EDA: variants seen among roughly 807,000 people sequenced by gnomAD.
The protein encoded by EDA is ectodysplasin-A.
Under a neutral mutation model 23.6 loss-of-function variants are expected in EDA, and 2 were observed. The observed-to-expected ratio is 0.08, with a 90% CI of 0.03 to 0.27. The LOEUF (loss-of-function observed/expected upper bound fraction) is 0.27, where lower values mean the gene tolerates loss of function less well. Among genes scored for constraint, EDA ranks in the 10% least tolerant of loss-of-function variants. EDA has a pLI of 1.00. For missense variants in EDA, 229 were observed against 324.2 expected, an observed-to-expected ratio of 0.71 and a Z score of 2.26; for synonymous variants, 131 against 132.0, an observed-to-expected ratio of 0.99 and a Z score of 0.05.
chrX:69,817,392 A>T (rs778698831), intron 1 of EDA, among the ~76,000 whole-genome samples: 7 of 111,708 alleles, frequency 6.3e-5, no homozygotes, highest in Non-Finnish European at 1.3e-4. Context: ...ATGTAAATGG[A>T]CTGAATTCCC....
At chrX:69,637,389 G>A (rs1030866350) in intron 1 of EDA, among the ~76,000 whole-genome samples, 1 of 111,452 alleles carries the variant, frequency 9.0e-6, no homozygotes, top group African/African-American at 3.3e-5. Context: ...CTGGAATCTG[G>A]GCTAATGGAA....
At chrX:69,622,993 C>G (rs956663338) in intron 1 of EDA, among the ~76,000 whole-genome samples, 5 of 111,926 alleles carry the variant, frequency 4.5e-5, no homozygotes, top group Admixed American at 9.5e-5. Context: ...TGTCATAAAT[C>G]AGGTGCCTGT....
intron 3 of EDA, among the ~76,000 whole-genome samples, chrX:70,023,623 G>C (rs2020070931): frequency 9.6e-6 from 1 of 103,670 alleles, no homozygotes; most frequent in Non-Finnish European, 2.0e-5. Flanking sequence ...CTGAGTAGCT[G>C]GGATTACAGG....
At chrX:69,880,886 A>G (rs955411800) in intron 1 of EDA, among the ~76,000 whole-genome samples, 6 of 112,049 alleles carry the variant, frequency 5.4e-5, no homozygotes, top group Non-Finnish European at 7.5e-5. Context: ...CTTCTCCACA[A>G]GGACTTTGGA....
At chrX:70,020,802 TAAAA>T (rs2020023220) in intron 2 of EDA, among the ~76,000 whole-genome samples, 1 of 111,794 alleles carries the variant, frequency 8.9e-6, no homozygotes, top group African/African-American at 3.2e-5. Flanking sequence ...GTTATTGACA[TAAAA>T]AAGGTTATCA....
At chrX:69,764,540 G>GC (rs1420479760) in intron 1 of EDA, among the ~76,000 whole-genome samples, 1 of 110,206 alleles carries the variant, frequency 9.1e-6, no homozygotes, top group African/African-American at 3.3e-5. Context: ...ACCGCACCCT[G>GC]CCCGTTTCTT....
chrX:69,655,853 C>G (rs763814928), intron 1 of EDA, among the ~76,000 whole-genome samples: 33 of 96,851 alleles, frequency 3.4e-4, no homozygotes, highest in Non-Finnish European at 4.4e-4. Context: ...AACCTCACAA[C>G]AAAATACCTG....
Position 69,822,701 on chromosome X carries a change from TTTA to T in EDA, c.397-134315_397-134313del, listed in dbSNP as rs950686006. ...TATGTTATTCTATTTTTTTAATTTA[TTTA>T]TTATTATTATACTTTAAGTTTTAGG... is the stretch of plus-strand genomic sequence containing the variant. On this transcript the variant is annotated intron_variant, in intron 1 of 7. Coordinates refer to ENST00000374552, the MANE Select transcript of EDA (RefSeq NM_001399.5). Among the ~76,000 whole-genome samples, 34 of 111,401 alleles carry T rather than the reference TTTA, an allele frequency of 3.1e-4. 1 individual carries two copies. The highest frequency in any genetic ancestry group is 1.8e-3 in the Admixed American group (19 of 10,469).
intron 2 of EDA, among the ~76,000 whole-genome samples, chrX:69,983,797 G>C (rs371062622): frequency 9.9e-6 from 1 of 100,907 alleles, no homozygotes; most frequent in Non-Finnish European, 2.0e-5. Flanking sequence ...GAATCTGAAC[G>C]TTGGCCTGCC....
At chrX:69,643,645 C>A (rs1932868044) in intron 1 of EDA, among the ~76,000 whole-genome samples, 1 of 111,793 alleles carries the variant, frequency 8.9e-6, no homozygotes, top group Non-Finnish European at 1.9e-5. Flanking sequence ...GCTTTTGTTG[C>A]AATTGCTTTT....
At chrX:69,651,636 A>G (rs189049812) in intron 1 of EDA, among the ~76,000 whole-genome samples, 28 of 111,605 alleles carry the variant, frequency 2.5e-4, no homozygotes, top group Middle Eastern at 4.7e-3. Flanking sequence ...GAATGCATTG[A>G]TCTTTTATAA....
chrX:69,868,785 G>A (rs934693486), intron 1 of EDA, among the ~76,000 whole-genome samples: 2 of 112,459 alleles, frequency 1.8e-5, no homozygotes, highest in Non-Finnish European at 3.8e-5. Context: ...TGGAAAAAAG[G>A]GCATTTGCCA....
intron 1 of EDA, among the ~76,000 whole-genome samples, chrX:69,679,563 A>G (rs939031171): frequency 5.4e-5 from 6 of 111,577 alleles, no homozygotes; most frequent in African/African-American, 2.0e-4. Context: ...GTGTATGTGT[A>G]GAGGAATTTA....
chrX:69,629,485 T>C (rs1417051432), intron 1 of EDA, among the ~76,000 whole-genome samples: 1 of 112,202 alleles, frequency 8.9e-6, no homozygotes, highest in Admixed American at 9.4e-5. Context: ...CAACGCTAAC[T>C]GTACTCTTTT....
chrX:69,703,313 G>A (rs774630543), intron 1 of EDA, among the ~76,000 whole-genome samples: 1 of 111,887 alleles, frequency 8.9e-6, no homozygotes, highest in African/African-American at 3.2e-5. Context: ...AGTGACTGAT[G>A]TGCATGCACA....
At chrX:69,628,011 T>C (rs1010664777) in intron 1 of EDA, among the ~76,000 whole-genome samples, 7 of 111,915 alleles carry the variant, frequency 6.3e-5, no homozygotes, top group African/African-American at 2.3e-4. Flanking sequence ...TATCCACCTG[T>C]CAGTGGGCCT....
At chrX:69,729,911 G>A (rs2012955657) in intron 1 of EDA, among the ~76,000 whole-genome samples, 1 of 111,559 alleles carries the variant, frequency 9.0e-6, no homozygotes, top group Non-Finnish European at 1.9e-5. Flanking sequence ...GCCCTTTATA[G>A]CAAGCAAAAC....
intron 1 of EDA, among the ~76,000 whole-genome samples, chrX:69,925,162 C>T (rs938860462): frequency 9.0e-6 from 1 of 111,442 alleles, no homozygotes; most frequent in Admixed American, 9.6e-5. Context: ...TGCCTGATTG[C>T]CCTGGCCACA....
chrX:69,673,114 T>C (rs1420816476), intron 1 of EDA, among the ~76,000 whole-genome samples: 3 of 111,495 alleles, frequency 2.7e-5, no homozygotes, highest in African/African-American at 9.8e-5. Context: ...TCATTATCAT[T>C]ATCAATAACA....
Sources: allele counts gnomAD v4.1 joint callset (sites outside exome capture counted in the v4.1 genomes callset), GRCh38; gene constraint gnomAD v4.1.1; transcripts MANE v1.5; gene names NCBI Gene and HGNC (gene_info 2026-07-23, HGNC 2026-07-21).